UBXN2B: variants seen among roughly 807,000 people sequenced by gnomAD.
UBXN2B encodes the protein UBX domain-containing protein 2B.
UBXN2B carries 19 observed loss-of-function variants against 37.5 expected under a neutral mutation model. The observed-to-expected ratio is 0.51, with a 90% CI of 0.35 to 0.74. UBXN2B has a LOEUF of 0.74. Among genes scored for constraint, UBXN2B ranks in the 30% least tolerant of loss-of-function variants. The pLI is 0.01. For synonymous variants in UBXN2B, 145 were observed against 143.8 expected, an observed-to-expected ratio of 1.01 and a Z score of -0.06; for missense variants, 370 against 393.2, an observed-to-expected ratio of 0.94 and a Z score of 0.50.
chr8:58,427,518 A>C (rs1404482542), intron 2 of UBXN2B, among the ~76,000 whole-genome samples: 3 of 152,250 alleles, frequency 2.0e-5, no homozygotes, highest in African/African-American at 7.2e-5. Context: ...CGGAGAGAAA[A>C]GGGTGAAATT....
chr8:58,417,661 G>A (rs144593059), intron 2 of UBXN2B, among the ~76,000 whole-genome samples: 10 of 152,234 alleles, frequency 6.6e-5, no homozygotes, highest in South Asian at 2.1e-4. Flanking sequence ...GGGAAGAAAC[G>A]TCAGTTTTCC....
In UBXN2B at chr8:58,447,314, A is replaced by G. The variant is rs1241135948; in HGVS notation, c.834-75A>G. On this transcript the variant is annotated intron_variant, in intron 7 of 7. Coordinates refer to ENST00000399598, the MANE Select transcript of UBXN2B (RefSeq NM_001077619.2). The stretch of plus-strand genomic sequence containing the variant: ...TAAAGATTAAAATTTTGTGATTTTT[A>G]TTATGATTCAGTTTTAAGTTTACAT... 2.2e-6 allele frequency: 3 copies of G among 1,367,762 alleles called. No homozygotes were observed. In the African/African-American group the frequency reaches 4.4e-5, roughly 20 times the overall value. The allele number at this position is 1,367,762 out of a possible 1,614,324, so 84.7% of individuals were successfully genotyped here.
chr8:58,422,869 G>A (rs1243422341), intron 2 of UBXN2B, among the ~76,000 whole-genome samples: 2 of 152,196 alleles, frequency 1.3e-5, no homozygotes, highest in Non-Finnish European at 2.9e-5. Context: ...CTCAGCTACT[G>A]TAAGCAGTTT....
At chr8:58,426,296 T>C in intron 2 of UBXN2B, 5 of 491,602 alleles carry the variant, frequency 1.0e-5, no homozygotes. Flanking sequence ...AAGCTCCGCC[T>C]GCTGGGTTCA....
At chr8:58,421,313 G>A (rs529313029) in intron 2 of UBXN2B, among the ~76,000 whole-genome samples, 30 of 150,934 alleles carry the variant, frequency 2.0e-4, no homozygotes, top group African/African-American at 7.1e-4. Flanking sequence ...TTTCAGGAAG[G>A]CCACACACTA....
intron 2 of UBXN2B, among the ~76,000 whole-genome samples, chr8:58,430,112 C>CTAACTA: frequency 6.6e-6 from 1 of 152,168 alleles, no homozygotes; most frequent in Non-Finnish European, 1.5e-5. Flanking sequence ...CTAAAGATCT[C>CTAACTA]GTCACTAACT....
chr8:58,435,066 T>G, intron 5 of UBXN2B: 1 of 1,442,134 alleles, frequency 6.9e-7, no homozygotes, highest in South Asian at 1.5e-5. Context: ...CAAGTGATTT[T>G]GCTATGATAA....
chr8:58,441,353 A>ATATATATATATATATGTATGTGTG lies in UBXN2B; in HGVS notation c.671+1606_671+1607insGTATATATATATATATGTATGTGT, dbSNP rs1411450985. Among the ~76,000 whole-genome samples, 210 of 134,408 alleles carry ATATATATATATATATGTATGTGTG rather than the reference A, an allele frequency of 1.6e-3. 7 individuals are homozygous for ATATATATATATATATGTATGTGTG. Among genetic ancestry groups the ATATATATATATATATGTATGTGTG allele is most frequent in the Middle Eastern group, 3.7e-3 (1 of 272 alleles). The allele number at this position is 134,408 out of a possible 152,430, so 88.2% of individuals were successfully genotyped here. ...ACTCCTCTTGTTGTGATCAACATAT[A>ATATATATATATATATGTATGTGTG]TATATATATATATATGTATGTGTAT... On this transcript the variant is annotated intron_variant, in intron 6 of 7. Transcript: ENST00000399598.
At chr8:58,425,901 C>T (rs2129604003) in intron 2 of UBXN2B, 1 of 1,205,092 alleles carries the variant, frequency 8.3e-7, no homozygotes, top group Non-Finnish European at 1.2e-6. Context: ...TCCCCTTTGT[C>T]ATCACTGGTG....
chr8:58,438,548 C>T (rs1374109560), intron 5 of UBXN2B, among the ~76,000 whole-genome samples: 2 of 152,236 alleles, frequency 1.3e-5, no homozygotes. Flanking sequence ...GGGTTTCAGA[C>T]TTCTGTGGGG....
At chr8:58,421,247 C>A (rs1386735850) in intron 2 of UBXN2B, among the ~76,000 whole-genome samples, 2 of 152,062 alleles carry the variant, frequency 1.3e-5, no homozygotes, top group Non-Finnish European at 2.9e-5. Context: ...GTTTTCTCAT[C>A]CCCATTTAGC....
intron 2 of UBXN2B, chr8:58,426,370 C>A: frequency 2.0e-6 from 1 of 495,838 alleles, no homozygotes; most frequent in East Asian, 3.8e-5. Context: ...CCATGCCCGG[C>A]TAATTTTTTT....
intron 2 of UBXN2B, chr8:58,425,708 C>T (rs112634164): frequency 3.8e-5 from 44 of 1,168,524 alleles, no homozygotes; most frequent in African/African-American, 1.5e-4. Context: ...AACATTTATA[C>T]GAGTCGTGTT....
chr8:58,412,640 T>C (rs775651576), intron 1 of UBXN2B, among the ~76,000 whole-genome samples: 21 of 152,204 alleles, frequency 1.4e-4, no homozygotes, highest in Non-Finnish European at 2.5e-4. Flanking sequence ...TTTCCTATTA[T>C]AAACCCACAT....
At chr8:58,426,824 C>A (rs920702582) in intron 2 of UBXN2B, 2 of 579,292 alleles carry the variant, frequency 3.5e-6, no homozygotes, top group Admixed American at 2.2e-5. Flanking sequence ...CACAGACCCC[C>A]CTCCAGGCCT....
Position 58,426,862 on chromosome 8 carries a change from C to T in UBXN2B, c.189-3657C>T, listed in dbSNP as rs563636350. On this transcript the variant is annotated intron_variant, in intron 2 of 7. Coordinates refer to ENST00000399598, the MANE Select transcript of UBXN2B (RefSeq NM_001077619.2). ...GGATCCTGGAGACTGTGCAGCCGCC[C>T]CCTAGGCTGGCTTGCTCCTCCTCCC... 2.3e-3 allele frequency among the ~76,000 whole-genome samples: 355 copies of T among 152,334 alleles called. 1 individual carries two copies. The highest frequency in any genetic ancestry group is 8.3e-3 in the African/African-American group (344 of 41,584).
intron 2 of UBXN2B, among the ~76,000 whole-genome samples, chr8:58,421,070 C>G (rs1467133547): frequency 6.6e-6 from 1 of 152,180 alleles, no homozygotes; most frequent in African/African-American, 2.4e-5. Flanking sequence ...TTCACAATTG[C>G]AAACCTTTCC....
chr8:58,428,007 C>T (rs916086225), intron 2 of UBXN2B, among the ~76,000 whole-genome samples: 11 of 151,974 alleles, frequency 7.2e-5, no homozygotes, highest in African/African-American at 2.7e-4. Flanking sequence ...TATGAAACAG[C>T]GAAAGGGAGA....
intron 3 of UBXN2B, among the ~76,000 whole-genome samples, chr8:58,432,841 C>T (rs1251463000): frequency 6.6e-6 from 1 of 152,140 alleles, no homozygotes; most frequent in African/African-American, 2.4e-5. Flanking sequence ...TACCTGATGG[C>T]TTCAGGTATT....
Sources: allele counts gnomAD v4.1 joint callset (sites outside exome capture counted in the v4.1 genomes callset), GRCh38; gene constraint gnomAD v4.1.1; transcripts MANE v1.5; gene names NCBI Gene and HGNC (gene_info 2026-07-23, HGNC 2026-07-21).